BCAS3: variants seen among roughly 807,000 people sequenced by gnomAD.
The protein encoded by BCAS3 is BCAS3 microtubule associated cell migration factor.
In BCAS3, 53 loss-of-function variants were observed where a neutral mutation model predicts 116.1. That is an observed-to-expected ratio of 0.46 (90% CI 0.37 to 0.57). The LOEUF (loss-of-function observed/expected upper bound fraction) is 0.57, where lower values mean the gene tolerates loss of function less well. Ranked by LOEUF, BCAS3 falls within the 20% of genes least tolerant of loss-of-function variation. The pLI, the probability that BCAS3 is intolerant of heterozygous loss-of-function variation, is 0.00. For synonymous variants in BCAS3, 391 were observed against 408.2 expected (o/e 0.96, Z 0.51); for missense variants, 917 against 1,165.4 (o/e 0.79, Z 3.10).
chr17:61,179,140 A>G (rs2079323304), intron 22 of BCAS3, among the ~76,000 whole-genome samples: 1 of 152,178 alleles, frequency 6.6e-6, no homozygotes, highest in Admixed American at 6.5e-5. Context: ...GTAGATTAGT[A>G]GAGAAGGTCT....
At position 61,258,517 on chromosome 17, in the gene BCAS3, A is replaced by G. The variant is rs967560093; in HGVS notation, c.2426-109810A>G. ...GAGCCTCTGTAAAATGTGAATAATC[A>G]TACCTACTTCATGGTATCGTTGTGT... On this transcript the variant is annotated intron_variant, in intron 22 of 23. Coordinates refer to ENST00000407086, the MANE Select transcript of BCAS3 (RefSeq NM_017679.5). The surrounding 1 kb of genome is among the most constrained non-coding windows in gnomAD (Gnocchi z 4.7). Among the ~76,000 whole-genome samples, 1 of 152,266 alleles carries G rather than the reference A, an allele frequency of 6.6e-6. No homozygotes were observed. The highest frequency in any genetic ancestry group is 1.5e-5 in the Non-Finnish European group (1 of 68,058).
chr17:60,890,183 A>G (rs1376531538), intron 10 of BCAS3, among the ~76,000 whole-genome samples: 1 of 152,192 alleles, frequency 6.6e-6, no homozygotes. Context: ...GCTAGGCGTG[A>G]TGGCTCACGC....
intron 22 of BCAS3, among the ~76,000 whole-genome samples, chr17:61,232,167 T>C (rs2082722011): frequency 8.0e-6 from 1 of 124,622 alleles, no homozygotes; most frequent in Admixed American, 1.0e-4. Flanking sequence ...ATCACACCAC[T>C]GCACTCCAGC....
At position 61,007,595 on chromosome 17, in the gene BCAS3, T is replaced by C. The variant is rs575132220; in HGVS notation, c.1487-8156T>C. Reference sequence around the variant, plus strand: ...GTTTCAATTCTCCTGAAAGTACACTTTTAATTCTAGTGACATTTAATAAGC... The same window carrying C: ...GTTTCAATTCTCCTGAAAGTACACTCTTAATTCTAGTGACATTTAATAAGC... On this transcript the variant is annotated intron_variant, in intron 15 of 23. Coordinates refer to ENST00000407086, the MANE Select transcript of BCAS3 (RefSeq NM_017679.5). This position sits in a 1 kb window ranked among gnomAD's most constrained non-coding sequence, Gnocchi z 4.3. 5.9e-5 allele frequency among the ~76,000 whole-genome samples: 9 copies of C among 152,100 alleles called. No individual in the cohort carries two copies. The highest frequency in any genetic ancestry group is 1.3e-4 in the Non-Finnish European group (9 of 67,956).
rs1049028282 is a variant in BCAS3 at position 61,347,101 on chromosome 17, G to A, written c.2426-21226G>A. Reference sequence around the variant, plus strand: ...TTAACAAATTTTTTTTTAAGGCAGAGTCTTGCTCTGTCACCCAGGCTGGAG... The same window carrying A: ...TTAACAAATTTTTTTTTAAGGCAGAATCTTGCTCTGTCACCCAGGCTGGAG... On this transcript the variant is annotated intron_variant, in intron 22 of 23. Coordinates refer to ENST00000407086, the MANE Select transcript of BCAS3 (RefSeq NM_017679.5). This position sits in a 1 kb window ranked among gnomAD's most constrained non-coding sequence, Gnocchi z 4.3. Among the ~76,000 whole-genome samples the A allele has an allele frequency of 2.6e-5, 4 of 152,126 alleles. No individual in the cohort carries two copies. The highest frequency in any genetic ancestry group is 9.7e-5 in the African/African-American group (4 of 41,430).
At chr17:60,985,009 CAAAAAAAAAAA>C (rs762586066) in intron 14 of BCAS3, among the ~76,000 whole-genome samples, 31 of 50,396 alleles carry the variant, frequency 6.2e-4, no homozygotes, top group African/African-American at 1.5e-3. Context: ...GACTCCATCT[CAAAAAAAAAAA>C]AAAAAAAAAA....
At chr17:60,985,157 T>C (rs2063059644) in intron 14 of BCAS3, among the ~76,000 whole-genome samples, 1 of 144,470 alleles carries the variant, frequency 6.9e-6, no homozygotes, top group Non-Finnish European at 1.5e-5. Flanking sequence ...TTTTTTTTTT[T>C]TTTTTGAGAC....
At chr17:60,742,565 T>TG (rs1415805546) in intron 5 of BCAS3, among the ~76,000 whole-genome samples, 1 of 151,320 alleles carries the variant, frequency 6.6e-6, no homozygotes, top group African/African-American at 2.4e-5. Flanking sequence ...CCCGAGTAGC[T>TG]GGGACTACAG....
At chr17:61,016,627 A>G (rs1374950581) in intron 16 of BCAS3, among the ~76,000 whole-genome samples, 2 of 152,228 alleles carry the variant, frequency 1.3e-5, no homozygotes, top group Admixed American at 1.3e-4. Context: ...ATCAGAAAAT[A>G]TATGTCTATA....
chr17:60,932,712 A>C (rs2059716647), intron 13 of BCAS3, among the ~76,000 whole-genome samples: 1 of 138,888 alleles, frequency 7.2e-6, no homozygotes, highest in African/African-American at 2.9e-5. Context: ...ACTGCACTCC[A>C]GCCTGGGCGA....
Position 61,367,042 on chromosome 17 carries a change from C to A in BCAS3, c.2426-1285C>A, listed in dbSNP as rs2058778974. On this transcript the variant is annotated intron_variant, in intron 22 of 23. Transcript: ENST00000407086. This position sits in a 1 kb window ranked among gnomAD's most constrained non-coding sequence, Gnocchi z 6.2. The stretch of plus-strand genomic sequence containing the variant: ...CGCCTGCCGAGGCTGGGGCTCGCAC[C>A]CTCTCTATTACCACCTGTCATTGGC... Among the ~76,000 whole-genome samples the A allele has an allele frequency of 1.3e-5, 2 of 152,230 alleles. No homozygotes were observed. Among genetic ancestry groups the A allele is most frequent in the South Asian group, 4.1e-4 (2 of 4,834 alleles).
chr17:60,854,649 T>C (rs1035812719), intron 7 of BCAS3, among the ~76,000 whole-genome samples: 1 of 152,152 alleles, frequency 6.6e-6, no homozygotes, highest in Non-Finnish European at 1.5e-5. Flanking sequence ...AATGAGATAC[T>C]ATCTCACACC....
chr17:60,788,878 A>T (rs1303707688), intron 6 of BCAS3, among the ~76,000 whole-genome samples: 2 of 152,208 alleles, frequency 1.3e-5, no homozygotes, highest in East Asian at 3.8e-4. Context: ...TATAAAATGT[A>T]TTGGCAATAG....
rs906931182 is a variant in BCAS3, at chr17:61,259,853, C to T, written c.2426-108474C>T. Among the ~76,000 whole-genome samples, 1 of 152,210 alleles carries T rather than the reference C, an allele frequency of 6.6e-6. No individual in the cohort carries two copies. Among genetic ancestry groups the T allele is most frequent in the African/African-American group, 2.4e-5 (1 of 41,442 alleles). On this transcript the variant is annotated intron_variant, in intron 22 of 23. Transcript: ENST00000407086. This position sits in a 1 kb window ranked among gnomAD's most constrained non-coding sequence, Gnocchi z 4.7. ...TCACTTTTTGCCATAAGGCATGTCA[C>T]TCTGTGGCATCTTACTGAATAGGAT...
chr17:61,241,285 A>G lies in BCAS3; in HGVS notation c.2426-127042A>G, dbSNP rs2047491374. Among the ~76,000 whole-genome samples the G allele has an allele frequency of 6.6e-6, 1 of 152,076 alleles. No homozygotes were observed. Among genetic ancestry groups the G allele is most frequent in the Non-Finnish European group, 1.5e-5 (1 of 68,020 alleles). The stretch of plus-strand genomic sequence containing the variant: ...ATGAAGCTAGTGAGTGAGCCTGTTT[A>G]CCACCAAGTACCCACGTCTTCCTTT... On this transcript the variant is annotated intron_variant, in intron 22 of 23. Coordinates refer to ENST00000407086, the MANE Select transcript of BCAS3 (RefSeq NM_017679.5). The surrounding 1 kb of genome is among the most constrained non-coding windows in gnomAD (Gnocchi z 4.6).
At chr17:61,005,567 C>T (rs2064614536) in intron 15 of BCAS3, among the ~76,000 whole-genome samples, 1 of 152,034 alleles carries the variant, frequency 6.6e-6, no homozygotes. Context: ...ATCTTTGACA[C>T]TTCTCATGAC....
At chr17:60,775,631 A>C (rs1018506179) in intron 6 of BCAS3, among the ~76,000 whole-genome samples, 1 of 151,986 alleles carries the variant, frequency 6.6e-6, no homozygotes, top group Non-Finnish European at 1.5e-5. Flanking sequence ...TTTGAGGCCA[A>C]GTGAATTTAT....
chr17:61,076,043 G>A (rs1367950857), intron 20 of BCAS3, among the ~76,000 whole-genome samples: 1 of 152,134 alleles, frequency 6.6e-6, no homozygotes, highest in Admixed American at 6.5e-5. Context: ...ACAGGCAAGA[G>A]CCACCATGCC....
chr17:60,744,899 T>G (rs1347589346), intron 5 of BCAS3, among the ~76,000 whole-genome samples: 1 of 152,204 alleles, frequency 6.6e-6, no homozygotes, highest in African/African-American at 2.4e-5. Flanking sequence ...AAAGCTGTTT[T>G]GCTGAAAAGT....
Sources: gnomAD v4.1 joint callset for allele counts (sites outside exome capture counted in the v4.1 genomes callset) on GRCh38, gnomAD v4.1.1 for gene constraint, Gnocchi (gnomAD v3.1) non-coding constraint, MANE v1.5 for transcripts, NCBI Gene and HGNC (gene_info 2026-07-23, HGNC 2026-07-21) for gene names.